Variants in RAB35 observed in about 807,000 individuals in gnomAD.
The protein encoded by RAB35 is ras-related protein Rab-35.
A neutral mutation model predicts 28.9 loss-of-function variants in RAB35; 4 were observed. That is an observed-to-expected ratio of 0.14 (90% CI 0.07 to 0.32). The LOEUF is 0.32. RAB35 is among the 10% of genes least tolerant of loss of function. RAB35 has a pLI of 1.00. For synonymous variants in RAB35, 99 were observed against 105.1 expected, an observed-to-expected ratio of 0.94 and a Z score of 0.35; for missense variants, 128 against 274.0, an observed-to-expected ratio of 0.47 and a Z score of 3.76.
intron 2 of RAB35, 131 bp from the exon 3 acceptor site, chr12:120,104,080 T>A (rs1393142455): frequency 4.0e-6 from 5 of 1,261,062 alleles, no homozygotes; most frequent in Non-Finnish European, 5.4e-6. Flanking sequence ...ACATTCTAGG[T>A]CCCAGGGACA....
chr12:120,104,662 G>C (rs979095905), intron 2 of RAB35, among the ~76,000 whole-genome samples: 16 of 152,208 alleles, frequency 1.1e-4, no homozygotes, highest in East Asian at 7.7e-4. Context: ...TGGTGGGGGG[G>C]GGACAGCGTC....
chr12:120,112,459 C>A (rs1258605004), intron 1 of RAB35, among the ~76,000 whole-genome samples: 2 of 149,982 alleles, frequency 1.3e-5, no homozygotes, highest in Admixed American at 1.3e-4. Context: ...GAAACAGGAT[C>A]TTGCTCTGTT....
At chr12:120,106,795 G>A (rs1160548109) in intron 2 of RAB35, among the ~76,000 whole-genome samples, 1 of 151,846 alleles carries the variant, frequency 6.6e-6, no homozygotes, top group Non-Finnish European at 1.5e-5. Flanking sequence ...CACCATATTG[G>A]CCAGGATGGT....
chr12:120,099,980 T>C (rs1758065225), intron 3 of RAB35, among the ~76,000 whole-genome samples: 4 of 152,130 alleles, frequency 2.6e-5, no homozygotes, highest in Admixed American at 2.6e-4. Context: ...GCTGTCCCTC[T>C]GTCCCCTCTC....
Position 120,103,213 on chromosome 12 carries a change from G to A in RAB35, c.227+613C>T, listed in dbSNP as rs139409961. Among the ~76,000 whole-genome samples, 138 of 152,306 alleles carry A rather than the reference G, an allele frequency of 9.1e-4. No individual in the cohort carries two copies. The highest frequency in any genetic ancestry group is 3.0e-3 in the African/African-American group (123 of 41,562). On this transcript the variant is annotated intron_variant, in intron 3 of 5. Transcript: ENST00000229340. The surrounding 1 kb of genome is among the most constrained non-coding windows in gnomAD (Gnocchi z 6.1). ...CAACCCAATAACCAGGAGCCGCTCC[G>A]AAGGACACTGCCCATCTGCGCAGGA... is the stretch of plus-strand genomic sequence containing the variant.
At chr12:120,112,603 T>C (rs1484789428) in intron 1 of RAB35, among the ~76,000 whole-genome samples, 1 of 151,886 alleles carries the variant, frequency 6.6e-6, no homozygotes, top group Admixed American at 6.6e-5. Context: ...GCTAATTTTC[T>C]TCTTTTTGTT....
chr12:120,114,495 G>T (rs1259557615), intron 1 of RAB35, among the ~76,000 whole-genome samples: 11 of 152,236 alleles, frequency 7.2e-5, no homozygotes, highest in Admixed American at 7.2e-4. Context: ...CACACAAGGA[G>T]CCCAGTTCAG....
At chr12:120,101,632 G>C (rs531755280) in intron 3 of RAB35, among the ~76,000 whole-genome samples, 1 of 152,304 alleles carries the variant, frequency 6.6e-6, no homozygotes, top group South Asian at 2.1e-4. Context: ...ATCAAAGGGC[G>C]TCGAGACTTC....
At position 120,096,231 on chromosome 12, in the gene RAB35, G is replaced by A. The variant is rs376551951; in HGVS notation, c.*1014C>T. On this transcript the variant is annotated 3_prime_UTR_variant, in exon 6 of 6. Transcript: ENST00000229340. ...GACAAGGGTGGGAGGCCCCTTCTCC[G>A]CTCCCACCAAGAAAGCCCAAGAGTC... is the stretch of plus-strand genomic sequence containing the variant. 60 of 396,942 alleles carry A rather than the reference G, an allele frequency of 1.5e-4. No homozygotes were observed. The highest frequency in any genetic ancestry group is 7.4e-4 in the East Asian group (10 of 13,524). 24.6% of individuals were successfully genotyped at this position (396,942 alleles called of 1,614,324 possible). A position where few individuals can be genotyped will look rare whatever the true frequency, so the allele number is the denominator to read the frequency against.
chr12:120,114,229 G>T (rs1248020602), intron 1 of RAB35, among the ~76,000 whole-genome samples: 1 of 152,212 alleles, frequency 6.6e-6, no homozygotes, highest in Non-Finnish European at 1.5e-5. Context: ...AAGTAGCTGG[G>T]ATTACAGGCA....
chr12:120,099,898 C>T (rs557947061), intron 3 of RAB35, among the ~76,000 whole-genome samples: 4 of 152,354 alleles, frequency 2.6e-5, no homozygotes, highest in East Asian at 1.9e-4. Flanking sequence ...CCACAGCCTC[C>T]GCTTCCCCGA....
At chr12:120,109,182 G>A (rs1177268545) in intron 1 of RAB35, among the ~76,000 whole-genome samples, 4 of 152,282 alleles carry the variant, frequency 2.6e-5, no homozygotes, top group East Asian at 1.9e-4. Flanking sequence ...GGCCAGGCGC[G>A]GTGGCTCATG....
At chr12:120,112,851 C>A (rs74345134) in intron 1 of RAB35, among the ~76,000 whole-genome samples, 8,888 of 151,250 alleles carry the variant, frequency 0.059, 886 homozygotes, top group African/African-American at 0.2. Context: ...CAGCCTCCCA[C>A]ATAGCTGGGA....
At chr12:120,106,647 T>A (rs1875892862) in intron 2 of RAB35, among the ~76,000 whole-genome samples, 1 of 149,632 alleles carries the variant, frequency 6.7e-6, no homozygotes, top group Non-Finnish European at 1.5e-5. Context: ...GCTGGAGTGC[T>A]GTGACAAGAT....
intron 1 of RAB35, among the ~76,000 whole-genome samples, chr12:120,116,343 C>T (rs1235458791): frequency 1.3e-5 from 2 of 152,144 alleles, no homozygotes; most frequent in Admixed American, 6.5e-5. Context: ...GATCGCGCGA[C>T]TTGACCAAGG....
rs1217279990 is a variant in RAB35 at position 120,097,189 on chromosome 12, G to T, written c.*56C>A. ...AGACTGTCCCCCGAGGAACCTCCGT[G>T]GGCCTCGGGCTGGGGGAGGGACCGC... On this transcript the variant is annotated 3_prime_UTR_variant, in exon 6 of 6. Coordinates refer to ENST00000229340, the MANE Select transcript of RAB35 (RefSeq NM_006861.7). The T allele has an allele frequency of 1.2e-6, 2 of 1,613,720 alleles. No homozygotes were observed. The highest frequency in any genetic ancestry group is 1.7e-6 in the Non-Finnish European group (2 of 1,179,900).
At position 120,097,438 on chromosome 12, in the gene RAB35, G is replaced by A. The variant is rs75192094; in HGVS notation, c.478-65C>T. 4,165 of 1,396,742 alleles carry A rather than the reference G, an allele frequency of 3.0e-3. 92 individuals are homozygous for A. In the East Asian group the frequency reaches 0.061, roughly 20 times the overall value. 86.5% of individuals were successfully genotyped at this position (1,396,742 alleles called of 1,614,324 possible). ...CCAGGAGGCCCCTGCTGGCCTGCAC[G>A]GCTGCCTCCCCGCCTTCCGGGGCCC... is the stretch of plus-strand genomic sequence containing the variant. On this transcript the variant is annotated intron_variant, in intron 5 of 5. Transcript: ENST00000229340.
intron 3 of RAB35, among the ~76,000 whole-genome samples, chr12:120,100,891 A>G (rs1249740192): frequency 6.6e-6 from 1 of 152,202 alleles, no homozygotes; most frequent in Non-Finnish European, 1.5e-5. Context: ...CCGGAGCCAC[A>G]GGAACAGGCG....
chr12:120,110,978 T>TGGAGC (rs536667595), intron 1 of RAB35, among the ~76,000 whole-genome samples: 1,715 of 152,330 alleles, frequency 0.011, 16 homozygotes, highest in Middle Eastern at 0.017. Flanking sequence ...CGCCGCCTCC[T>TGGAGC]CTGCTTCCTC....
Sources: allele counts gnomAD v4.1 joint callset (sites outside exome capture counted in the v4.1 genomes callset), GRCh38; gene constraint gnomAD v4.1.1; non-coding constraint Gnocchi (gnomAD v3.1); transcripts MANE v1.5; gene names NCBI Gene and HGNC (gene_info 2026-07-23, HGNC 2026-07-21).